The following PDE6A variants were observed in gnomAD, a reference collection of about 807,000 sequenced individuals.
PDE6A encodes the protein rod cGMP-specific 3',5'-cyclic phosphodiesterase subunit alpha.
PDE6A carries 84 observed loss-of-function variants against 106.3 expected under a neutral mutation model. The observed-to-expected ratio is 0.79, with a 90% confidence interval of 0.66 to 0.95. PDE6A has a LOEUF of 0.95. Among genes scored for constraint, PDE6A ranks in the 40% least tolerant of loss-of-function variants. The probability of loss-of-function intolerance (pLI) is 0.00; values close to 1 mark genes in which losing one functional copy is unlikely to be tolerated. For missense variants in PDE6A, 1,052 were observed against 1,084.9 expected (o/e 0.97, Z 0.43); for synonymous variants, 394 against 386.6 (o/e 1.02, Z -0.23).
chr5:149,910,049 G>T (rs1456235366), intron 6 of PDE6A, among the ~76,000 whole-genome samples: 1 of 152,070 alleles, frequency 6.6e-6, no homozygotes, highest in Non-Finnish European at 1.5e-5. Context: ...TTGTATTTCT[G>T]TTAGTTTTTG....
intron 5 of PDE6A, among the ~76,000 whole-genome samples, chr5:149,915,579 G>C (rs533599637): frequency 2.1e-4 from 32 of 152,260 alleles, no homozygotes; most frequent in African/African-American, 7.5e-4. Context: ...CTTCACCTTG[G>C]AGGCAGCTCA....
At chr5:149,886,413 T>C (rs1162076400) in intron 13 of PDE6A, 39 bp from the exon 14 acceptor site, 3 of 1,499,116 alleles carry the variant, frequency 2.0e-6, no homozygotes, top group Non-Finnish European at 2.8e-6. Flanking sequence ...TCCTTTTGTG[T>C]AGGGGCTGGA....
At chr5:149,861,465 A>G (rs1289612628) in intron 21 of PDE6A, among the ~76,000 whole-genome samples, 3 of 152,240 alleles carry the variant, frequency 2.0e-5, no homozygotes, top group Admixed American at 2.0e-4. Context: ...CCTGGGCAAC[A>G]TAGCAAGACC....
At chr5:149,896,863 G>C in intron 10 of PDE6A, 87 bp from the exon 11 acceptor site, 2 of 1,434,816 alleles carry the variant, frequency 1.4e-6, no homozygotes, top group Non-Finnish European at 2.0e-6. Flanking sequence ...TTCCTCCAAA[G>C]TCCTTGCAAC....
At chr5:149,941,628 G>A (rs1007787158) in intron 1 of PDE6A, among the ~76,000 whole-genome samples, 12 of 152,160 alleles carry the variant, frequency 7.9e-5, no homozygotes, top group South Asian at 6.2e-4. Flanking sequence ...TGCTCCTGCC[G>A]GAAATGTGTG....
chr5:149,931,498 A>G lies in PDE6A; in HGVS notation c.718-330T>C, dbSNP rs556486678. Among the ~76,000 whole-genome samples, 30 of 152,374 alleles carry G rather than the reference A, an allele frequency of 2.0e-4. No homozygotes were observed. The South Asian group carries it at 5.8e-3, about 29-fold the overall frequency. ...GTACAAAACTAAAATGAAAGAATGC[A>G]CTTATTGCACACATATTAAACTGCT... On this transcript the variant is annotated intron_variant, in intron 3 of 21. Transcript: ENST00000255266.
intron 17 of PDE6A, among the ~76,000 whole-genome samples, chr5:149,876,587 C>G (rs1410258689): frequency 6.6e-6 from 1 of 152,056 alleles, no homozygotes; most frequent in Non-Finnish European, 1.5e-5. Flanking sequence ...ACTGCAAACT[C>G]CGCCTCCCCG....
At chr5:149,899,630 C>G in intron 8 of PDE6A, 106 bp from the exon 9 acceptor site, 2 of 1,094,030 alleles carry the variant, frequency 1.8e-6, no homozygotes, top group Non-Finnish European at 2.8e-6. Context: ...GAGGAGGTGG[C>G]AAGAGGATGG....
At chr5:149,910,488 T>C (rs1441458175) in intron 6 of PDE6A, among the ~76,000 whole-genome samples, 1 of 152,166 alleles carries the variant, frequency 6.6e-6, no homozygotes, top group African/African-American at 2.4e-5. Context: ...TTAGCATTTA[T>C]ACACAGATTT....
At chr5:149,861,508 G>T (rs774053658) in intron 21 of PDE6A, among the ~76,000 whole-genome samples, 2 of 152,108 alleles carry the variant, frequency 1.3e-5, no homozygotes, top group African/African-American at 4.8e-5. Flanking sequence ...AAATTGGCCA[G>T]GCATGGTTGC....
chr5:149,902,265 T>G (rs1753005106), intron 8 of PDE6A, among the ~76,000 whole-genome samples: 1 of 152,128 alleles, frequency 6.6e-6, no homozygotes, highest in Admixed American at 6.6e-5. Context: ...CCCCTCTCTC[T>G]ACTGTCCAAA....
At chr5:149,925,396 C>T (rs10071618) in intron 4 of PDE6A, among the ~76,000 whole-genome samples, 12,711 of 152,150 alleles carry the variant, frequency 0.084, 1,735 homozygotes, top group African/African-American at 0.29. Flanking sequence ...AATAGTTTAA[C>T]AGTCAATTAG....
chr5:149,864,988 C>T (rs1197442173), intron 20 of PDE6A, among the ~76,000 whole-genome samples: 1 of 152,156 alleles, frequency 6.6e-6, no homozygotes, highest in African/African-American at 2.4e-5. Flanking sequence ...GCCTGTAATC[C>T]CAGCACTTTG....
intron 8 of PDE6A, among the ~76,000 whole-genome samples, chr5:149,903,164 A>AAAC (rs1554089502): frequency 2.0e-5 from 3 of 148,120 alleles, no homozygotes; most frequent in African/African-American, 7.5e-5. Context: ...AAAAAAAAAA[A>AAAC]AAAACAAAAG....
chr5:149,875,129 C>T (rs189342304), intron 17 of PDE6A, among the ~76,000 whole-genome samples: 18 of 152,200 alleles, frequency 1.2e-4, no homozygotes, highest in Middle Eastern at 3.4e-3. Flanking sequence ...CAATGGGCCC[C>T]GAGATGGCTT....
chr5:149,913,423 C>T (rs1753447534), intron 6 of PDE6A, among the ~76,000 whole-genome samples: 1 of 151,324 alleles, frequency 6.6e-6, no homozygotes, highest in Admixed American at 6.6e-5. Flanking sequence ...GTAATCAGTC[C>T]TTATGCAGGC....
intron 16 of PDE6A, among the ~76,000 whole-genome samples, 169 bp downstream of exon 16, chr5:149,884,310 A>G (rs1161687070): frequency 6.8e-6 from 1 of 147,966 alleles, no homozygotes; most frequent in Non-Finnish European, 1.5e-5. Flanking sequence ...ATATATGTGT[A>G]TATATGTATA....
rs143000386 is a variant in PDE6A, at chr5:149,880,833, C to T, written c.2135+2596G>A. Among the ~76,000 whole-genome samples, 39 of 152,004 alleles carry T rather than the reference C, an allele frequency of 2.6e-4. No individual in the cohort carries two copies. The Middle Eastern group carries it at 0.017, about 67-fold the overall frequency. ...GGGTACTTTGGAAGGCTGAGACAGG[C>T]AGATCACTTGAGGTCAGGAGTTTGA... On this transcript the variant is annotated intron_variant, in intron 17 of 21. Coordinates refer to ENST00000255266, the MANE Select transcript of PDE6A (RefSeq NM_000440.3).
rs116328897 is a variant in PDE6A at position 149,917,567 on chromosome 5, G to A, written c.934-2560C>T. Among the ~76,000 whole-genome samples, 844 of 152,262 alleles carry A rather than the reference G, an allele frequency of 5.5e-3. 11 individuals carry two copies. The highest frequency in any genetic ancestry group is 0.019 in the African/African-American group (797 of 41,540). ...CACTGACTGAATACTTCTAGGAGGC[G>A]AGCTCTGGTTAAACAAAAGGCAGAA... is the stretch of plus-strand genomic sequence containing the variant. On this transcript the variant is annotated intron_variant, in intron 5 of 21. Coordinates refer to ENST00000255266, the MANE Select transcript of PDE6A (RefSeq NM_000440.3).
Sources: gnomAD v4.1 joint callset for allele counts (sites outside exome capture counted in the v4.1 genomes callset) on GRCh38, gnomAD v4.1.1 for gene constraint, MANE v1.5 for transcripts, NCBI Gene and HGNC (gene_info 2026-07-23, HGNC 2026-07-21) for gene names.